CAPRIN2: variants seen among roughly 807,000 people sequenced by gnomAD.
The protein encoded by CAPRIN2 is caprin-2.
In CAPRIN2, 66 loss-of-function variants were observed where a neutral mutation model predicts 130.4. The ratio of observed to expected loss-of-function variants is 0.51; its 90% CI spans 0.42 to 0.62. The LOEUF is 0.62. Among genes scored for constraint, CAPRIN2 ranks in the 20% least tolerant of loss-of-function variants. The pLI is 0.00. For missense variants in CAPRIN2, 1,185 were observed against 1,246.6 expected (o/e 0.95, Z 0.74); for synonymous variants, 471 against 444.1 (o/e 1.06, Z -0.76).
At chr12:30,735,089 C>G in exon 4 of CAPRIN2, 1 of 1,614,052 alleles carries the variant, frequency 6.2e-7, no homozygotes, top group African/African-American at 1.3e-5. Flanking sequence ...TGTACGTGCT[C>G]CTGTGTCAAG....
At chr12:30,739,940 C>T (rs2066648663) in intron 3 of CAPRIN2, among the ~76,000 whole-genome samples, 1 of 152,064 alleles carries the variant, frequency 6.6e-6, no homozygotes, top group Non-Finnish European at 1.5e-5. Flanking sequence ...TAAATTGTTA[C>T]TGGGTAACTC....
At chr12:30,743,776 T>C (rs1230024497) in intron 2 of CAPRIN2, among the ~76,000 whole-genome samples, 1 of 152,156 alleles carries the variant, frequency 6.6e-6, no homozygotes, top group African/African-American at 2.4e-5. Context: ...TGTCCAAACA[T>C]TAAATGTCAG....
chr12:30,733,537 G>T, intron 5 of CAPRIN2, 92 bp downstream of exon 6: 1 of 820,716 alleles, frequency 1.2e-6, no homozygotes. Context: ...AGTTCTGATG[G>T]ACTAACACAG....
At chr12:30,712,733 C>CTTTTT (rs754373140) in intron 15 of CAPRIN2, among the ~76,000 whole-genome samples, 103 of 107,300 alleles carry the variant, frequency 9.6e-4, no homozygotes, top group East Asian at 3.0e-3. Context: ...GTTTTCCACT[C>CTTTTT]TTTTTTTTTT....
intron 4 of CAPRIN2, among the ~76,000 whole-genome samples, chr12:30,734,321 T>C (rs2063721415): frequency 6.6e-6 from 1 of 152,060 alleles, no homozygotes; most frequent in South Asian, 2.1e-4. Flanking sequence ...GGCTAACAAA[T>C]ACAAAGCTGG....
chr12:30,724,399 G>C, exon 10 of CAPRIN2: 1 of 1,613,048 alleles, frequency 6.2e-7, no homozygotes, highest in Non-Finnish European at 8.5e-7. Flanking sequence ...AGCTGAAGGC[G>C]GTTGTGACGT....
At chr12:30,712,886 G>A (rs933964021) in intron 15 of CAPRIN2, among the ~76,000 whole-genome samples, 40 of 152,070 alleles carry the variant, frequency 2.6e-4, no homozygotes, top group African/African-American at 8.2e-4. Context: ...GGATTAAGGC[G>A]TGTGCCACCA....
chr12:30,749,154 C>CA, intron 2 of CAPRIN2, among the ~76,000 whole-genome samples: 1 of 152,012 alleles, frequency 6.6e-6, no homozygotes, highest in East Asian at 1.9e-4. Context: ...ATATCACGTG[C>CA]AAAAAACCCT....
chr12:30,724,861 G>T (rs2060441751), intron 9 of CAPRIN2, among the ~76,000 whole-genome samples: 1 of 152,078 alleles, frequency 6.6e-6, no homozygotes, highest in African/African-American at 2.4e-5. Context: ...AGGCATGGTG[G>T]TATGTGCCTG....
At chr12:30,723,414 T>TA in intron 10 of CAPRIN2, 100 bp from the exon 12 acceptor site, 1 of 770,366 alleles carries the variant, frequency 1.3e-6, no homozygotes, top group South Asian at 1.5e-5. Flanking sequence ...AAAAAGACAT[T>TA]AGCTGGAAGG....
exon 8 of CAPRIN2, chr12:30,729,202 G>A (rs766960901): frequency 6.2e-7 from 1 of 1,613,958 alleles, no homozygotes; most frequent in Non-Finnish European, 8.5e-7. Flanking sequence ...TGACCATCTG[G>A]TTCAGTAAGC....
At chr12:30,751,639 T>C (rs1329168668) in intron 1 of CAPRIN2, 3 of 160,596 alleles carry the variant, frequency 1.9e-5, no homozygotes, top group Admixed American at 1.2e-4. Context: ...AGAATTATCC[T>C]GTACAAAATG....
chr12:30,737,660 C>T (rs1190686701), intron 3 of CAPRIN2, among the ~76,000 whole-genome samples: 1 of 149,392 alleles, frequency 6.7e-6, no homozygotes, highest in East Asian at 2.0e-4. Flanking sequence ...TGCAGTGGCA[C>T]GATCTCGGCC....
At chr12:30,741,091 A>G in exon 3 of CAPRIN2, 1 of 1,605,794 alleles carries the variant, frequency 6.2e-7, no homozygotes, top group East Asian at 2.2e-5. Context: ...ACTTCTTCAT[A>G]TTTCTCTACA....
rs200922314 is a variant in CAPRIN2, at chr12:30,713,033, C to T, written c.2601+752G>A. On this transcript the variant is annotated intron_variant, in intron 15 of 16. Transcript: ENST00000298892. ...CTGGGATTACAGGCGTGAGTCACCA[C>T]GCCTGGCCTTCACCCTTTTCAATAC... 4.6e-5 allele frequency among the ~76,000 whole-genome samples: 7 copies of T among 152,232 alleles called. No individual in the cohort carries two copies. The East Asian group carries it at 9.7e-4, about 21-fold the overall frequency.
At position 30,710,500 on chromosome 12, in the gene CAPRIN2, T is replaced by C. The variant is rs1404605885; in HGVS notation, c.2666-30A>G. 4 of 1,612,850 alleles carry C rather than the reference T, an allele frequency of 2.5e-6. No homozygotes were observed. Among genetic ancestry groups the C allele is most frequent in the African/African-American group, 2.7e-5 (2 of 74,936 alleles). On this transcript the variant is annotated intron_variant, in intron 16 of 16. Coordinates refer to ENST00000298892, the Ensembl canonical transcript of CAPRIN2. This position sits in a 1 kb window ranked among gnomAD's most constrained non-coding sequence, Gnocchi z 4.8. ...TTTATTAGCAACAGTGAGTTTCTCATAATGAAGCAGTTAGCTTTGAACACA... is the reference window on the plus strand; with the variant it reads ...TTTATTAGCAACAGTGAGTTTCTCACAATGAAGCAGTTAGCTTTGAACACA...
At chr12:30,743,347 G>A (rs957627158) in intron 2 of CAPRIN2, among the ~76,000 whole-genome samples, 2 of 152,196 alleles carry the variant, frequency 1.3e-5, no homozygotes, top group African/African-American at 4.8e-5. Flanking sequence ...AAATTCAAAT[G>A]TGTTTTCAGT....
At chr12:30,741,169 A>G in intron 2 of CAPRIN2, 63 bp from the exon 4 acceptor site, 1 of 984,112 alleles carries the variant, frequency 1.0e-6, no homozygotes, top group Non-Finnish European at 1.6e-6. Context: ...TGTGAAAATA[A>G]TGTTTCTTAA....
In CAPRIN2 at chr12:30,723,260, T is replaced by C. The variant is rs779720040; in HGVS notation, c.2042A>G (p.Gln681Arg). The C allele has an allele frequency of 3.7e-6, 6 of 1,607,724 alleles. No homozygotes were observed. The South Asian group carries it at 6.6e-5, about 18-fold the overall frequency. Residue 681 changes from glutamine (Q) to arginine (R), a missense_variant and splice_region_variant, in exon 11 of 17, where the codon CAG becomes CGG. Physicochemically the swap from Gln to Arg is conservative, Grantham distance 43. Coordinates refer to ENST00000298892, the Ensembl canonical transcript of CAPRIN2. ...TAAAAGATTAATTTGGAAAGTTACC[T>C]GTAACGGCTCTTGAAGAAAATCACT...
Sources: allele counts gnomAD v4.1 joint callset (sites outside exome capture counted in the v4.1 genomes callset), GRCh38; gene constraint gnomAD v4.1.1; non-coding constraint Gnocchi (gnomAD v3.1); transcripts MANE v1.5; gene names NCBI Gene and HGNC (gene_info 2026-07-23, HGNC 2026-07-21).